ARHGAP24: variants seen among roughly 807,000 people sequenced by gnomAD.
The protein encoded by ARHGAP24 is Rho GTPase activating protein 24.
A neutral mutation model predicts 76.4 loss-of-function variants in ARHGAP24; 50 were observed. That is an observed-to-expected ratio of 0.65 (90% CI 0.52 to 0.83). The LOEUF is 0.83. Among genes scored for constraint, ARHGAP24 ranks in the 40% least tolerant of loss-of-function variants. The probability of loss-of-function intolerance (pLI) is 0.00; values close to 1 mark genes in which losing one functional copy is unlikely to be tolerated. For synonymous variants in ARHGAP24, 345 were observed against 323.3 expected (o/e 1.07, Z -0.72); for missense variants, 930 against 914.2 (o/e 1.02, Z -0.22).
At chr4:85,829,990 C>T (rs1729908277) in intron 3 of ARHGAP24, among the ~76,000 whole-genome samples, 1 of 152,240 alleles carries the variant, frequency 6.6e-6, no homozygotes, top group South Asian at 2.1e-4. Context: ...GTACTGACCT[C>T]AGAGCACATG....
intron 3 of ARHGAP24, among the ~76,000 whole-genome samples, chr4:85,876,357 A>T (rs368938725): frequency 1.3e-5 from 2 of 152,140 alleles, no homozygotes; most frequent in East Asian, 1.9e-4. Flanking sequence ...AGTTTGTTGG[A>T]AGGAAACTTG....
intron 1 of ARHGAP24, among the ~76,000 whole-genome samples, chr4:85,498,490 C>T (rs1723669813): frequency 6.6e-6 from 1 of 152,194 alleles, no homozygotes; most frequent in Non-Finnish European, 1.5e-5. Context: ...GTGACCTGTG[C>T]CCTGTTTGTG....
intron 2 of ARHGAP24, among the ~76,000 whole-genome samples, chr4:85,613,650 A>T (rs1720462722): frequency 6.6e-6 from 1 of 152,194 alleles, no homozygotes; most frequent in Admixed American, 6.6e-5. Flanking sequence ...ATTACCAAAC[A>T]CCTAGCAGAA....
chr4:85,520,904 A>T (rs1482353243), intron 1 of ARHGAP24, among the ~76,000 whole-genome samples: 2 of 152,204 alleles, frequency 1.3e-5, no homozygotes, highest in Non-Finnish European at 2.9e-5. Context: ...AGAATCACTC[A>T]AATGGAGAGT....
chr4:85,517,806 C>A (rs1330709108), intron 1 of ARHGAP24, among the ~76,000 whole-genome samples: 2 of 152,000 alleles, frequency 1.3e-5, no homozygotes, highest in Admixed American at 6.6e-5. Context: ...TTTCAGTAGT[C>A]ATTTCTAAAA....
chr4:85,887,556 C>A (rs1415466434), intron 3 of ARHGAP24, among the ~76,000 whole-genome samples: 1 of 152,100 alleles, frequency 6.6e-6, no homozygotes, highest in East Asian at 1.9e-4. Context: ...ATAGCCTATG[C>A]CTATATGCTT....
chr4:85,788,350 C>T (rs956110840), intron 3 of ARHGAP24, among the ~76,000 whole-genome samples: 7 of 152,212 alleles, frequency 4.6e-5, no homozygotes, highest in Non-Finnish European at 7.3e-5. Context: ...TCCTTCTACA[C>T]AAATTATATT....
At chr4:85,714,838 A>G (rs1024828936) in intron 2 of ARHGAP24, among the ~76,000 whole-genome samples, 4 of 152,142 alleles carry the variant, frequency 2.6e-5, no homozygotes, top group African/African-American at 9.7e-5. Flanking sequence ...GAAGAACTTG[A>G]TAACTATTTA....
intron 1 of ARHGAP24, among the ~76,000 whole-genome samples, chr4:85,481,250 G>A (rs1464824446): frequency 6.6e-6 from 1 of 152,116 alleles, no homozygotes; most frequent in African/African-American, 2.4e-5. Flanking sequence ...GCTCAGAGAG[G>A]TAAATAAAGT....
intron 3 of ARHGAP24, among the ~76,000 whole-genome samples, chr4:85,842,445 TAAAC>T (rs1730652506): frequency 1.3e-5 from 2 of 152,138 alleles, no homozygotes; most frequent in African/African-American, 4.8e-5. Flanking sequence ...TGGTCAGAAA[TAAAC>T]AGTGTAAAAC....
intron 1 of ARHGAP24, among the ~76,000 whole-genome samples, chr4:85,541,736 C>T (rs1218508856): frequency 6.7e-6 from 1 of 149,430 alleles, no homozygotes; most frequent in Non-Finnish European, 1.5e-5. Context: ...AATTATATCA[C>T]GTAATCACTG....
intron 3 of ARHGAP24, among the ~76,000 whole-genome samples, chr4:85,812,294 C>T (rs1578252216): frequency 6.6e-6 from 1 of 152,144 alleles, no homozygotes; most frequent in Admixed American, 6.5e-5. Context: ...TGTTTCATAG[C>T]ATGATTACTT....
chr4:85,492,642 A>T (rs1321843896), intron 1 of ARHGAP24, among the ~76,000 whole-genome samples: 2 of 152,338 alleles, frequency 1.3e-5, no homozygotes, highest in East Asian at 3.9e-4. Context: ...TGCTACTGAG[A>T]TTTACTATCA....
chr4:85,664,774 A>C (rs1173569326), intron 2 of ARHGAP24, among the ~76,000 whole-genome samples: 1 of 151,954 alleles, frequency 6.6e-6, no homozygotes, highest in Non-Finnish European at 1.5e-5. Context: ...TTATGTACCC[A>C]GTAGTCATTC....
intron 4 of ARHGAP24, among the ~76,000 whole-genome samples, chr4:85,925,307 G>A (rs2148813143): frequency 6.6e-6 from 1 of 152,326 alleles, no homozygotes; most frequent in East Asian, 1.9e-4. Flanking sequence ...ACTACCCGCT[G>A]CCCATTAGTA....
At position 85,994,744 on chromosome 4, in the gene ARHGAP24, A is replaced by G. The variant is rs375218322; in HGVS notation, c.1090A>G (p.Asn364Asp). ...GGGGCAGTTACAGAACAAGGAGAAC[A>G]ATAACACCAAGGACAGCCCTAGTAG... ...TMGQLQNKEN[N>D]NTKDSPSRQC... The change falls in exon 9 of 10, where the codon AAT becomes GAT. Residue 364 changes from asparagine (N) to aspartate (D), a missense_variant. Coordinates refer to ENST00000395184, the MANE Select transcript of ARHGAP24 (RefSeq NM_001025616.3). The G allele has an allele frequency of 6.8e-6, 11 of 1,614,072 alleles. No individual in the cohort carries two copies. In the African/African-American group the frequency reaches 8.0e-5, roughly 12 times the overall value.
intron 2 of ARHGAP24, among the ~76,000 whole-genome samples, chr4:85,586,421 T>A (rs1727864012): frequency 6.6e-6 from 1 of 152,194 alleles, no homozygotes; most frequent in Non-Finnish European, 1.5e-5. Flanking sequence ...CATGGTGACA[T>A]GTGATTGGTT....
chr4:85,746,733 C>T (rs1407791648), intron 3 of ARHGAP24, among the ~76,000 whole-genome samples: 1 of 152,132 alleles, frequency 6.6e-6, no homozygotes, highest in African/African-American at 2.4e-5. Context: ...TCACTACAAC[C>T]TTCACCTCCC....
chr4:85,815,466 C>T (rs546429447), intron 3 of ARHGAP24, among the ~76,000 whole-genome samples: 4 of 152,290 alleles, frequency 2.6e-5, no homozygotes, highest in East Asian at 3.9e-4. Flanking sequence ...TCATCTCTCT[C>T]GAGTTCAAAA....
Sources: allele counts gnomAD v4.1 joint callset (sites outside exome capture counted in the v4.1 genomes callset), GRCh38; gene constraint gnomAD v4.1.1; transcripts MANE v1.5; gene names NCBI Gene and HGNC (gene_info 2026-07-23, HGNC 2026-07-21).